The following PTPRD variants were observed in gnomAD, a reference collection of about 807,000 sequenced individuals.
PTPRD encodes the protein receptor-type tyrosine-protein phosphatase delta.
PTPRD carries 34 observed loss-of-function variants against 214.5 expected under a neutral mutation model. That is an observed-to-expected ratio of 0.16 (90% confidence interval 0.12 to 0.21). PTPRD has a LOEUF of 0.21. Ranked by LOEUF, PTPRD falls within the 10% of genes least tolerant of loss-of-function variation. PTPRD has a pLI of 1.00. For missense variants in PTPRD, 2,545 were observed against 2,398.7 expected, an observed-to-expected ratio of 1.06 and a Z score of -1.27; for synonymous variants, 1,128 against 845.7, an observed-to-expected ratio of 1.33 and a Z score of -5.79.
intron 3 of PTPRD, among the ~76,000 whole-genome samples, chr9:10,157,702 C>A (rs1317148132): frequency 6.6e-6 from 1 of 152,078 alleles, no homozygotes; most frequent in Non-Finnish European, 1.5e-5. Flanking sequence ...TGGGGAAATT[C>A]TCATGGATGA....
chr9:10,602,454 T>G (rs1338090822), intron 2 of PTPRD, among the ~76,000 whole-genome samples: 1 of 151,808 alleles, frequency 6.6e-6, no homozygotes, highest in Non-Finnish European at 1.5e-5. Flanking sequence ...AGATAACAGT[T>G]TCACTTTCAT....
At chr9:10,216,404 C>A (rs1406716186) in intron 3 of PTPRD, among the ~76,000 whole-genome samples, 1 of 151,748 alleles carries the variant, frequency 6.6e-6, no homozygotes, top group African/African-American at 2.4e-5. Flanking sequence ...TTAAACTATC[C>A]ATATAGCTTA....
intron 10 of PTPRD, among the ~76,000 whole-genome samples, chr9:9,025,198 A>G (rs1256303442): frequency 6.6e-6 from 1 of 152,014 alleles, no homozygotes; most frequent in Non-Finnish European, 1.5e-5. Context: ...TTACCCTGAA[A>G]GAGCAAGATG....
intron 2 of PTPRD, among the ~76,000 whole-genome samples, chr9:10,415,157 G>C (rs2098475147): frequency 1.3e-5 from 2 of 151,680 alleles, no homozygotes; most frequent in Non-Finnish European, 2.9e-5. Flanking sequence ...TTGTGACTTA[G>C]CTTCTTCTTT....
intron 2 of PTPRD, among the ~76,000 whole-genome samples, chr9:10,562,419 G>A (rs970074540): frequency 1.3e-5 from 2 of 151,466 alleles, no homozygotes; most frequent in African/African-American, 4.9e-5. Context: ...TGTTCTGTAT[G>A]TTTGTCTGTT....
chr9:9,723,104 G>A (rs1348186412), intron 7 of PTPRD, among the ~76,000 whole-genome samples: 1 of 151,936 alleles, frequency 6.6e-6, no homozygotes, highest in Non-Finnish European at 1.5e-5. Context: ...GTAACACAAG[G>A]TCACAAAGAT....
At chr9:8,421,207 A>C (rs1535673) in intron 35 of PTPRD, among the ~76,000 whole-genome samples, 9 of 152,182 alleles carry the variant, frequency 5.9e-5, no homozygotes, top group Admixed American at 5.9e-4. Context: ...AGCAAACTAG[A>C]CTCCTCCTTC....
chr9:10,015,882 GA>G (rs60777791), intron 4 of PTPRD, among the ~76,000 whole-genome samples: 3,640 of 152,264 alleles, frequency 0.024, 154 homozygotes, highest in African/African-American at 0.082. Flanking sequence ...GGATCACATT[GA>G]GAAGTACTGC....
chr9:9,999,529 C>T (rs1443065916), intron 4 of PTPRD, among the ~76,000 whole-genome samples: 1 of 152,154 alleles, frequency 6.6e-6, no homozygotes, highest in Admixed American at 6.5e-5. Context: ...AACTTTGTAG[C>T]TTCCCAAAGA....
At chr9:10,084,846 A>C (rs532021219) in intron 3 of PTPRD, among the ~76,000 whole-genome samples, 4 of 151,916 alleles carry the variant, frequency 2.6e-5, no homozygotes, top group Non-Finnish European at 4.4e-5. Flanking sequence ...TTAGTTCAAC[A>C]CAGCATGCTT....
At chr9:8,690,107 T>C (rs1428305438) in intron 12 of PTPRD, among the ~76,000 whole-genome samples, 2 of 131,146 alleles carry the variant, frequency 1.5e-5, no homozygotes, top group Non-Finnish European at 3.3e-5. Context: ...GACTCCATCT[T>C]AAAAAAAAAA....
At chr9:9,493,176 C>A (rs2095998887) in intron 8 of PTPRD, among the ~76,000 whole-genome samples, 1 of 152,062 alleles carries the variant, frequency 6.6e-6, no homozygotes, top group South Asian at 2.1e-4. Context: ...ATTTACCATT[C>A]TGAAAATCCT....
chr9:9,669,425 A>T (rs1051999354), intron 7 of PTPRD, among the ~76,000 whole-genome samples: 10 of 152,194 alleles, frequency 6.6e-5, no homozygotes, highest in African/African-American at 2.4e-4. Context: ...GGAGACCAAA[A>T]GATCAAAGTG....
chr9:10,436,257 T>C (rs568623087), intron 2 of PTPRD, among the ~76,000 whole-genome samples: 52 of 152,000 alleles, frequency 3.4e-4, no homozygotes, highest in African/African-American at 1.2e-3. Flanking sequence ...TGTATGAATA[T>C]ATATGTATAT....
chr9:9,741,633 G>A (rs968684767), intron 6 of PTPRD, among the ~76,000 whole-genome samples: 2 of 152,110 alleles, frequency 1.3e-5, no homozygotes, highest in Non-Finnish European at 2.9e-5. Context: ...AGGCCCCAGT[G>A]TGTGATGTTC....
intron 12 of PTPRD, among the ~76,000 whole-genome samples, chr9:8,724,615 T>C (rs2098537965): frequency 6.6e-6 from 1 of 152,186 alleles, no homozygotes. Flanking sequence ...ACAAGGTTTA[T>C]GGAGCCTTGT....
At chr9:9,822,163 C>T (rs77728260) in intron 5 of PTPRD, among the ~76,000 whole-genome samples, 5,564 of 150,532 alleles carry the variant, frequency 0.037, 327 homozygotes, top group African/African-American at 0.12. Flanking sequence ...CTGTATTTTT[C>T]GCACTTTGGG....
chr9:8,478,312 A>G (rs1473173635), intron 30 of PTPRD, among the ~76,000 whole-genome samples: 1 of 152,204 alleles, frequency 6.6e-6, no homozygotes, highest in African/African-American at 2.4e-5. Flanking sequence ...GTGGAACACA[A>G]ATCTTATGAA....
rs187907565 is a variant in PTPRD, at chr9:9,884,737, A to C, written c.-368+53770T>G. Among the ~76,000 whole-genome samples the C allele has an allele frequency of 1.8e-4, 28 of 152,098 alleles. 1 individual carries two copies. Among genetic ancestry groups the C allele is most frequent in the African/African-American group, 5.1e-4 (21 of 41,424 alleles). On this transcript the variant is annotated intron_variant, in intron 5 of 45. Transcript: ENST00000381196. ...TGGTTACCTACATGCTGTTTTCATGATAGTGAGTAAGTTTTCATGAGATCT... is the reference window on the plus strand; with the variant it reads ...TGGTTACCTACATGCTGTTTTCATGCTAGTGAGTAAGTTTTCATGAGATCT...
Sources: allele counts gnomAD v4.1 joint callset (sites outside exome capture counted in the v4.1 genomes callset), GRCh38; gene constraint gnomAD v4.1.1; transcripts MANE v1.5; gene names NCBI Gene and HGNC (gene_info 2026-07-23, HGNC 2026-07-21).